PPM1A: variants seen among roughly 807,000 people sequenced by gnomAD.
PPM1A encodes the protein protein phosphatase, Mg2+/Mn2+ dependent 1A.
PPM1A carries 7 observed loss-of-function variants against 35.0 expected under a neutral mutation model. That is an observed-to-expected ratio of 0.20 (90% confidence interval 0.11 to 0.38). The LOEUF (loss-of-function observed/expected upper bound fraction) is 0.38, where lower values mean the gene tolerates loss of function less well. Ranked by LOEUF, PPM1A falls within the 10% of genes least tolerant of loss-of-function variation. The pLI, the probability that PPM1A is intolerant of heterozygous loss-of-function variation, is 1.00. For missense variants in PPM1A, 239 were observed against 467.8 expected (o/e 0.51, Z 4.51); for synonymous variants, 153 against 167.3 (o/e 0.91, Z 0.66).
chr14:60,262,099 T>C (rs1883808090), intron 1 of PPM1A, among the ~76,000 whole-genome samples: 1 of 152,254 alleles, frequency 6.6e-6, no homozygotes. Context: ...TGATATTCAT[T>C]ATTTAATAGA....
At position 60,283,591 on chromosome 14, in the gene PPM1A, A is replaced by T; in HGVS notation, c.834+54A>T. ...ATGATTTTATGCCATATTAATCACT[A>T]CTCTAGTATTTAATCATCTTAGAAT... On this transcript the variant is annotated intron_variant, in intron 2 of 5. Coordinates refer to ENST00000395076, the MANE Select transcript of PPM1A (RefSeq NM_021003.5). The surrounding 1 kb of genome is among the most constrained non-coding windows in gnomAD (Gnocchi z 6.3). The T allele has an allele frequency of 1.3e-6, 2 of 1,498,942 alleles. No homozygotes were observed. Among genetic ancestry groups the T allele is most frequent in the Non-Finnish European group, 1.8e-6 (2 of 1,119,498 alleles). The allele number at this position is 1,498,942 out of a possible 1,614,324, so 92.9% of individuals were successfully genotyped here.
At chr14:60,270,005 C>T (rs1323460607) in intron 1 of PPM1A, among the ~76,000 whole-genome samples, 1 of 152,064 alleles carries the variant, frequency 6.6e-6, no homozygotes, top group Non-Finnish European at 1.5e-5. Flanking sequence ...TTTCTTCTGC[C>T]TTTGAAATTT....
rs750223904 is a variant in PPM1A, at chr14:60,298,405, C to A, written c.*5923C>A. On this transcript the variant is annotated 3_prime_UTR_variant, in exon 6 of 6. Coordinates refer to ENST00000395076, the MANE Select transcript of PPM1A (RefSeq NM_021003.5). The stretch of plus-strand genomic sequence containing the variant: ...CAGGATGTTAAAATAACATCCAAGT[C>A]GGACAACCACCACCAATGCACACAG... 1 of 151,626 alleles carries A rather than the reference C, an allele frequency of 6.6e-6. No homozygotes were observed. Among genetic ancestry groups the A allele is most frequent in the East Asian group, 1.9e-4 (1 of 5,194 alleles). The allele number at this position is 151,626 out of a possible 1,614,324, so 9.4% of individuals were successfully genotyped here.
chr14:60,252,168 T>C (rs1397922108), intron 1 of PPM1A, among the ~76,000 whole-genome samples: 4 of 152,200 alleles, frequency 2.6e-5, no homozygotes, highest in Non-Finnish European at 5.9e-5. Context: ...TACAGCTGAT[T>C]TTGGTTTAAC....
intron 1 of PPM1A, among the ~76,000 whole-genome samples, chr14:60,278,571 A>G (rs188416934): frequency 7.2e-5 from 11 of 152,270 alleles, no homozygotes; most frequent in African/African-American, 2.6e-4. Flanking sequence ...TTGTCTTCCC[A>G]GAGAGAAACT....
chr14:60,251,317 T>C (rs1316716271), intron 1 of PPM1A, among the ~76,000 whole-genome samples: 2 of 152,260 alleles, frequency 1.3e-5, no homozygotes, highest in Non-Finnish European at 2.9e-5. Flanking sequence ...TGTTTGAAGT[T>C]AACTACCTCA....
In PPM1A at chr14:60,283,830, A is replaced by C. The variant is rs979593976; in HGVS notation, c.834+293A>C. Among the ~76,000 whole-genome samples, 3 of 152,216 alleles carry C rather than the reference A, an allele frequency of 2.0e-5. No homozygotes were observed. Among genetic ancestry groups the C allele is most frequent in the African/African-American group, 7.2e-5 (3 of 41,470 alleles). ...TTTATCAGAGTGCATGTTTTGAAAG[A>C]AAGAGGGTGGGGAGGGTTAGGCCTC... On this transcript the variant is annotated intron_variant, in intron 2 of 5. Coordinates refer to ENST00000395076, the MANE Select transcript of PPM1A (RefSeq NM_021003.5). The surrounding 1 kb of genome is among the most constrained non-coding windows in gnomAD (Gnocchi z 6.3).
chr14:60,259,010 A>C (rs1883449024), intron 1 of PPM1A, among the ~76,000 whole-genome samples: 1 of 152,116 alleles, frequency 6.6e-6, no homozygotes, highest in Non-Finnish European at 1.5e-5. Flanking sequence ...ATTTTGGGCC[A>C]TGCGATTTGA....
At chr14:60,265,832 G>A (rs972821805) in intron 1 of PPM1A, among the ~76,000 whole-genome samples, 1 of 152,062 alleles carries the variant, frequency 6.6e-6, no homozygotes, top group African/African-American at 2.4e-5. Flanking sequence ...CTAAGATAAG[G>A]GCATTACTCA....
intron 3 of PPM1A, chr14:60,287,801 A>G (rs1887189582): frequency 1.0e-6 from 1 of 983,340 alleles, no homozygotes; most frequent in Non-Finnish European, 1.2e-6. Context: ...AAGCCAATTT[A>G]AAATTATACT....
chr14:60,284,759 A>G (rs554452482), intron 2 of PPM1A, among the ~76,000 whole-genome samples: 2 of 149,974 alleles, frequency 1.3e-5, no homozygotes, highest in Non-Finnish European at 3.0e-5. Flanking sequence ...AGCATATAAT[A>G]CATGCTACAC....
chr14:60,273,350 T>TTA lies in PPM1A; in HGVS notation c.-20-9333_-20-9332insAT, dbSNP rs1335183522. On this transcript the variant is annotated intron_variant, in intron 1 of 5. Coordinates refer to ENST00000395076, the MANE Select transcript of PPM1A (RefSeq NM_021003.5). This position sits in a 1 kb window ranked among gnomAD's most constrained non-coding sequence, Gnocchi z 4.3. ...GTTAAGGTAGGGAAAGTAGCATTTGTTTATATATTTGGAGGAAGGAAGTAT... is the reference window on the plus strand; with the variant it reads ...GTTAAGGTAGGGAAAGTAGCATTTGTTATTATATATTTGGAGGAAGGAAGTAT... Among the ~76,000 whole-genome samples, 1 of 151,902 alleles carries TTA rather than the reference T, an allele frequency of 6.6e-6. No homozygotes were observed. Among genetic ancestry groups the TTA allele is most frequent in the East Asian group, 1.9e-4 (1 of 5,170 alleles).
intron 1 of PPM1A, among the ~76,000 whole-genome samples, chr14:60,255,155 AT>A (rs1054217953): frequency 1.8e-4 from 25 of 136,422 alleles, no homozygotes; most frequent in Admixed American, 1.5e-3. Context: ...TATTTCTATC[AT>A]ATGTTTTTTT....
chr14:60,286,191 C>T, intron 3 of PPM1A: 1 of 985,744 alleles, frequency 1.0e-6, no homozygotes, highest in Non-Finnish European at 1.2e-6. Context: ...ATCACAGCCT[C>T]ATCATTAGCA....
intron 1 of PPM1A, among the ~76,000 whole-genome samples, chr14:60,274,481 A>T (rs925590949): frequency 1.3e-4 from 19 of 151,980 alleles, no homozygotes; most frequent in South Asian, 2.1e-4. Flanking sequence ...GTCACACTCC[A>T]ACTGAGAAAT....
chr14:60,262,608 C>T (rs1383473790), intron 1 of PPM1A, among the ~76,000 whole-genome samples: 1 of 152,162 alleles, frequency 6.6e-6, no homozygotes, highest in Non-Finnish European at 1.5e-5. Flanking sequence ...CACCTGAGCC[C>T]AGGAGCTCCA....
rs1320419604 is a variant in PPM1A at position 60,294,051 on chromosome 14, T to A, written c.*1569T>A. The A allele has an allele frequency of 6.6e-6, 1 of 151,894 alleles. No homozygotes were observed. Among genetic ancestry groups the A allele is most frequent in the African/African-American group, 2.4e-5 (1 of 41,402 alleles). 9.4% of individuals were successfully genotyped at this position (151,894 alleles called of 1,614,324 possible). ...TGAAATGTAAGACTAAAATACAACA[T>A]TGAATACAAAATCAAAATTTTGTGT... On this transcript the variant is annotated 3_prime_UTR_variant, in exon 6 of 6. Coordinates refer to ENST00000395076, the MANE Select transcript of PPM1A (RefSeq NM_021003.5).
rs1425312232 is a variant in PPM1A, at chr14:60,290,983, G to GT, written c.1062-413dup. Among the ~76,000 whole-genome samples, 3 of 152,082 alleles carry GT rather than the reference G, an allele frequency of 2.0e-5. No individual in the cohort carries two copies. In the East Asian group the frequency reaches 5.8e-4, roughly 29 times the overall value. On this transcript the variant is annotated intron_variant, in intron 4 of 5. Transcript: ENST00000395076. The stretch of plus-strand genomic sequence containing the variant: ...ACTTTTGAAAAGGGCATTAAGAAAA[G>GT]TAGAAGCTTAAATATAAAGTATAAT...
rs1882096999 is a variant in PPM1A at position 60,249,708 on chromosome 14, T to A, written c.-21+31T>A. 1.0e-6 allele frequency: 1 copy of A among 981,108 alleles called. No homozygotes were observed. The highest frequency in any genetic ancestry group is 1.8e-5 in the African/African-American group (1 of 56,408). The allele number at this position is 981,108 out of a possible 1,614,324, so 60.8% of individuals were successfully genotyped here. ...TGCGGCGCTCGGGCCGACGGCGGGC[T>A]GGCGGGCGGTGCGGGCCTGCGCGGC... On this transcript the variant is annotated intron_variant, in intron 1 of 5. Transcript: ENST00000395076. This position sits in a 1 kb window ranked among gnomAD's most constrained non-coding sequence, Gnocchi z 4.5.
Sources: allele counts gnomAD v4.1 joint callset (sites outside exome capture counted in the v4.1 genomes callset), GRCh38; gene constraint gnomAD v4.1.1; non-coding constraint Gnocchi (gnomAD v3.1); transcripts MANE v1.5; gene names NCBI Gene and HGNC (gene_info 2026-07-23, HGNC 2026-07-21).